Variants in CRISPLD1 observed in about 807,000 individuals in gnomAD.
CRISPLD1 encodes cysteine rich secretory protein LCCL domain containing 1, also known as cysteine-rich secretory protein LCCL domain-containing 1.
In CRISPLD1, 60 loss-of-function variants were observed where a neutral mutation model predicts 77.5. That is an observed-to-expected ratio of 0.77 (90% CI 0.63 to 0.96). The LOEUF (loss-of-function observed/expected upper bound fraction) is 0.96, where lower values mean the gene tolerates loss of function less well. Ranked by LOEUF, CRISPLD1 falls within the 40% of genes least tolerant of loss-of-function variation. The pLI, the probability that CRISPLD1 is intolerant of heterozygous loss-of-function variation, is 0.00. For missense variants in CRISPLD1, 623 were observed against 615.8 expected, an observed-to-expected ratio of 1.01 and a Z score of -0.12; for synonymous variants, 195 against 200.1, an observed-to-expected ratio of 0.97 and a Z score of 0.22.
At chr8:74,986,267 T>A in intron 2 of CRISPLD1, 22 bp downstream of exon 2, 1 of 1,606,390 alleles carries the variant, frequency 6.2e-7, no homozygotes, top group South Asian at 1.1e-5. Flanking sequence ...TTTCAAGTGG[T>A]ATGTACAAAA....
rs189558900 is a variant in CRISPLD1, at chr8:75,022,293, T to G, written c.1244+2214T>G. On this transcript the variant is annotated intron_variant, in intron 12 of 14. Coordinates refer to ENST00000262207, the MANE Select transcript of CRISPLD1 (RefSeq NM_031461.6). Reference sequence around the variant, plus strand: ...TCATTTGTTTCTCCTGTGTAAAATTTGTAATAGTTTTGGCCAGGCGTGGTG... The same window carrying G: ...TCATTTGTTTCTCCTGTGTAAAATTGGTAATAGTTTTGGCCAGGCGTGGTG... Among the ~76,000 whole-genome samples the G allele has an allele frequency of 3.9e-3, 596 of 152,082 alleles. 4 individuals carry two copies. The highest frequency in any genetic ancestry group is 0.013 in the African/African-American group (531 of 41,508).
chr8:75,009,504 G>C (rs572928215), intron 2 of CRISPLD1, among the ~76,000 whole-genome samples: 1 of 151,682 alleles, frequency 6.6e-6, no homozygotes, highest in South Asian at 2.1e-4. Flanking sequence ...TTGTTTCAAA[G>C]CAATTATTTT....
chr8:75,015,986 G>A (rs1012797313), intron 6 of CRISPLD1, among the ~76,000 whole-genome samples: 2 of 151,954 alleles, frequency 1.3e-5, no homozygotes, highest in Admixed American at 6.6e-5. Context: ...TTTGATAAAG[G>A]CCAGTCTGGA....
At chr8:74,985,294 C>T (rs1016884411) in intron 1 of CRISPLD1, among the ~76,000 whole-genome samples, 8 of 152,214 alleles carry the variant, frequency 5.3e-5, no homozygotes, top group African/African-American at 1.7e-4. Context: ...GAGTTCTTGA[C>T]CTGAGCCTGA....
At chr8:74,998,890 C>G (rs886620012) in intron 2 of CRISPLD1, among the ~76,000 whole-genome samples, 9 of 151,778 alleles carry the variant, frequency 5.9e-5, no homozygotes, top group African/African-American at 2.2e-4. Flanking sequence ...TAGGCAACAT[C>G]TGGAGACTAG....
intron 2 of CRISPLD1, among the ~76,000 whole-genome samples, chr8:74,987,491 A>G (rs1812514063): frequency 6.6e-6 from 1 of 152,258 alleles, no homozygotes. Context: ...ATTAGCAAAC[A>G]TACTTCAAGA....
At chr8:75,025,697 T>C in intron 13 of CRISPLD1, 76 bp downstream of exon 13, 1 of 725,188 alleles carries the variant, frequency 1.4e-6, no homozygotes, top group South Asian at 1.9e-5. Flanking sequence ...AATGTGTATA[T>C]GTACATTTAT....
rs1812472205 is a variant in CRISPLD1, at chr8:74,984,860, G to A, written c.-123G>A. Reference sequence around the variant, plus strand: ...GCGGTCCCTTGTGAAGGCTCTGGGCGGCTGCAGAGGCCGGCCGTCCGGTTT... The same window carrying A: ...GCGGTCCCTTGTGAAGGCTCTGGGCAGCTGCAGAGGCCGGCCGTCCGGTTT... On this transcript the variant is annotated 5_prime_UTR_variant, in exon 1 of 15. Coordinates refer to ENST00000262207, the MANE Select transcript of CRISPLD1 (RefSeq NM_031461.6). 1 of 152,300 alleles carries A rather than the reference G, an allele frequency of 6.6e-6. No homozygotes were observed. The highest frequency in any genetic ancestry group is 1.5e-5 in the Non-Finnish European group (1 of 68,138). The allele number at this position is 152,300 out of a possible 1,614,324, so 9.4% of individuals were successfully genotyped here. A position where few individuals can be genotyped will look rare whatever the true frequency, so the allele number is the denominator to read the frequency against.
intron 14 of CRISPLD1, among the ~76,000 whole-genome samples, 174 bp from the exon 15 acceptor site, chr8:75,032,017 A>G (rs1270844229): frequency 6.6e-6 from 1 of 151,996 alleles, no homozygotes; most frequent in African/African-American, 2.4e-5. Flanking sequence ...GTTAAGAGTT[A>G]TGTCATCCTC....
At chr8:75,016,534 T>TA (rs761188276) in intron 6 of CRISPLD1, 31 bp from the exon 7 acceptor site, 6 of 1,586,528 alleles carry the variant, frequency 3.8e-6, no homozygotes, top group Non-Finnish European at 1.7e-6. Flanking sequence ...AAAATAGGGT[T>TA]AATATTTCCT....
At chr8:75,007,262 A>G (rs1438494730) in intron 2 of CRISPLD1, among the ~76,000 whole-genome samples, 2 of 152,182 alleles carry the variant, frequency 1.3e-5, no homozygotes, top group East Asian at 3.9e-4. Context: ...AATCTTTTTA[A>G]GAGAAAAAAA....
Position 75,014,874 on chromosome 8 carries a change from G to C in CRISPLD1, c.689G>C (p.Ser230Thr), listed in dbSNP as rs1305116056. 1 of 1,577,306 alleles carries C rather than the reference G, an allele frequency of 6.3e-7. No individual in the cohort carries two copies. Among genetic ancestry groups the C allele is most frequent in the Non-Finnish European group, 8.6e-7 (1 of 1,167,850 alleles). The change falls in exon 6 of 15, where the codon AGT (serine) becomes ACT (threonine). Residue 230 changes from serine to threonine, a missense_variant. Physicochemically the swap from Ser to Thr is moderately conservative, Grantham distance 58. Transcript: ENST00000262207. ...CGGCCCTGTTCTGCTTGCCCACCTA[G>C]TTTTGGAGGGGGCTGTAGAGAAAAT... ...HGRPCSACPP[S>T]FGGGCRENLC...
chr8:74,985,984 C>G lies in CRISPLD1; in HGVS notation c.-4C>G. ...TTCCTGGGGAAATCCTGAGGTCATT[C>G]ATTATGAAGTGTACCGCGCGGGAGT... On this transcript the variant is annotated 5_prime_UTR_variant, in exon 2 of 15. Transcript: ENST00000262207. The G allele has an allele frequency of 6.2e-7, 1 of 1,606,516 alleles. No homozygotes were observed. The highest frequency in any genetic ancestry group is 8.5e-7 in the Non-Finnish European group (1 of 1,174,254).
At chr8:74,985,849 CTGT>C (rs1812486979) in intron 1 of CRISPLD1, 74 bp from the exon 2 acceptor site, 1 of 917,484 alleles carries the variant, frequency 1.1e-6, no homozygotes, top group Non-Finnish European at 1.6e-6. Context: ...TCCTTTGTAA[CTGT>C]TGTTTTGCTC....
At position 75,017,308 on chromosome 8, in the gene CRISPLD1, C is replaced by A. The variant is rs201994686; in HGVS notation, c.997-12C>A. ...ATTTTTAACATCTTTTTATCTCCTC[C>A]TTTTTTCCAAGCAATCCAGCATCTG... is the stretch of plus-strand genomic sequence containing the variant. On this transcript the variant is annotated splice_polypyrimidine_tract_variant and intron_variant, in intron 9 of 14. Coordinates refer to ENST00000262207, the MANE Select transcript of CRISPLD1 (RefSeq NM_031461.6). 157 of 1,607,146 alleles carry A rather than the reference C, an allele frequency of 9.8e-5. No homozygotes were observed. The East Asian group carries it at 2.3e-3, about 23-fold the overall frequency.
intron 2 of CRISPLD1, among the ~76,000 whole-genome samples, chr8:75,003,557 C>T (rs1812780881): frequency 6.6e-6 from 1 of 151,994 alleles, no homozygotes. Context: ...TTAGATCAAT[C>T]CTGCATCTAT....
chr8:74,993,694 A>C (rs1362602129), intron 2 of CRISPLD1, among the ~76,000 whole-genome samples: 1 of 152,242 alleles, frequency 6.6e-6, no homozygotes, highest in Non-Finnish European at 1.5e-5. Flanking sequence ...AGGGGTTTAG[A>C]AAGACAAGAG....
At chr8:74,990,277 G>T in intron 2 of CRISPLD1, among the ~76,000 whole-genome samples, 1 of 149,390 alleles carries the variant, frequency 6.7e-6, no homozygotes, top group Admixed American at 6.6e-5. Context: ...TACTCCTTAA[G>T]TCTATTTAAA....
At chr8:74,999,226 T>C (rs1170644643) in intron 2 of CRISPLD1, among the ~76,000 whole-genome samples, 2 of 152,156 alleles carry the variant, frequency 1.3e-5, no homozygotes, top group Non-Finnish European at 2.9e-5. Flanking sequence ...TATACATACA[T>C]ACATAAAAGA....
Sources: gnomAD v4.1 joint callset for allele counts (sites outside exome capture counted in the v4.1 genomes callset) on GRCh38, gnomAD v4.1.1 for gene constraint, MANE v1.5 for transcripts, NCBI Gene and HGNC (gene_info 2026-07-23, HGNC 2026-07-21) for gene names.